MYOCD: variants seen among roughly 807,000 people sequenced by gnomAD.
MYOCD encodes the protein myocardin.
Under a neutral mutation model 96.1 loss-of-function variants are expected in MYOCD, and 32 were observed. That is an observed-to-expected ratio of 0.33 (90% confidence interval 0.25 to 0.45). The LOEUF (loss-of-function observed/expected upper bound fraction) is 0.45, where lower values mean the gene tolerates loss of function less well. Among genes scored for constraint, MYOCD ranks in the 20% least tolerant of loss-of-function variants. MYOCD has a pLI of 1.00. For missense variants in MYOCD, 1,133 were observed against 1,200.6 expected (o/e 0.94, Z 0.83); for synonymous variants, 469 against 469.0 (o/e 1.00, Z 0.00).
At position 12,753,116 on chromosome 17, in the gene MYOCD, G is replaced by A. The variant is rs149000142; in HGVS notation, c.1828G>A (p.Gly610Arg). ...TGAAGCTGCTCAACTCCAGCCTCTTGGAAATGCTCATTGTGTGGAGTCCTC... is the reference window on the plus strand; with the variant it reads ...TGAAGCTGCTCAACTCCAGCCTCTTAGAAATGCTCATTGTGTGGAGTCCTC... ...ACEAAQLQPL[G>R]NAHCVESSDQ... The change falls in exon 10 of 14, where the codon GGA becomes AGA. Residue 610 changes from glycine (G) to arginine (R), a missense_variant. Gly to Arg is a moderately radical substitution (Grantham distance 125). Coordinates refer to ENST00000425538, the MANE Select transcript of MYOCD (RefSeq NM_001146312.3). The A allele has an allele frequency of 6.2e-7, 1 of 1,614,158 alleles. No individual in the cohort carries two copies. Among genetic ancestry groups the A allele is most frequent in the East Asian group, 2.2e-5 (1 of 44,868 alleles).
At chr17:12,690,907 A>T (rs7225754) in intron 1 of MYOCD, among the ~76,000 whole-genome samples, 67,479 of 152,054 alleles carry the variant, frequency 0.44, 16,897 homozygotes, top group African/African-American at 0.68. Flanking sequence ...CAGAATGGGA[A>T]CTAGAATTAC....
chr17:12,695,258 T>C (rs2030691031), intron 1 of MYOCD, among the ~76,000 whole-genome samples: 1 of 152,142 alleles, frequency 6.6e-6, no homozygotes, highest in Admixed American at 6.5e-5. Flanking sequence ...TCCTAGTTCA[T>C]AGAAGTCCGC....
rs371712377 is a variant in MYOCD, at chr17:12,763,084, G to A, written c.2401G>A (p.Asp801Asn). The A allele has an allele frequency of 7.5e-6, 12 of 1,605,464 alleles. No homozygotes were observed. In the South Asian group the frequency reaches 1.2e-4, roughly 16 times the overall value. ...VLIESGEMPA[D>N]AREDHSCLQK... ...TGTATTGCCCACAGAAATGCCAGCA[G>A]ACGCTAGAGAGGATCACTCATGTCT... Residue 801 changes from aspartate (D) to asparagine (N), a missense_variant, in exon 14 of 14, where the codon GAC becomes AAC. Asp to Asn is a conservative substitution (Grantham distance 23). Transcript: ENST00000425538.
chr17:12,683,578 C>G (rs1202608397), intron 1 of MYOCD, among the ~76,000 whole-genome samples: 2 of 152,170 alleles, frequency 1.3e-5, no homozygotes, highest in Admixed American at 6.5e-5. Flanking sequence ...CACACACATA[C>G]ACATACACAT....
intron 1 of MYOCD, among the ~76,000 whole-genome samples, chr17:12,686,449 C>T (rs1296188829): frequency 6.6e-6 from 1 of 152,224 alleles, no homozygotes; most frequent in East Asian, 1.9e-4. Context: ...CACTTGTAGG[C>T]ATTTCACCTG....
intron 7 of MYOCD, among the ~76,000 whole-genome samples, chr17:12,742,579 T>A (rs926614827): frequency 1.2e-4 from 18 of 150,094 alleles, no homozygotes; most frequent in African/African-American, 3.2e-4. Context: ...GAAAATTATT[T>A]TTTTTTTTTG....
chr17:12,739,189 C>T lies in MYOCD; in HGVS notation c.592-14C>T, dbSNP rs755558597. 1.2e-6 allele frequency: 2 copies of T among 1,602,290 alleles called. No individual in the cohort carries two copies. Among genetic ancestry groups the T allele is most frequent in the Non-Finnish European group, 1.7e-6 (2 of 1,175,194 alleles). Reference sequence around the variant, plus strand: ...TCCTGTATCTTCCTAATATCGGTAACATTTGGATTTCAGGATCTTGCTTCT... The same window carrying T: ...TCCTGTATCTTCCTAATATCGGTAATATTTGGATTTCAGGATCTTGCTTCT... On this transcript the variant is annotated splice_polypyrimidine_tract_variant and intron_variant, in intron 6 of 13. Transcript: ENST00000425538.
At position 12,752,533 on chromosome 17, in the gene MYOCD, T is replaced by C. The variant is rs373771169; in HGVS notation, c.1245T>C (p.Phe415=). ...QDCSGNPVPN[F]GDITTVTFPV... ...GCTCTGGCAACCCAGTGCCGAACTTTGGGGATATAACGACTGTCACTTTTC... is the reference window on the plus strand; with the variant it reads ...GCTCTGGCAACCCAGTGCCGAACTTCGGGGATATAACGACTGTCACTTTTC... Residue 415 remains phenylalanine, a synonymous_variant, in exon 10 of 14, where the codon TTT becomes TTC. Transcript: ENST00000425538. 11 of 1,614,132 alleles carry C rather than the reference T, an allele frequency of 6.8e-6. No individual in the cohort carries two copies. The highest frequency in any genetic ancestry group is 7.6e-6 in the Non-Finnish European group (9 of 1,180,020).
chr17:12,726,058 A>G (rs2031989525), intron 5 of MYOCD, among the ~76,000 whole-genome samples: 1 of 152,134 alleles, frequency 6.6e-6, no homozygotes, highest in Admixed American at 6.6e-5. Flanking sequence ...TTTTGCATCT[A>G]TTTCATTATT....
At chr17:12,714,767 T>C (rs1285209919) in intron 2 of MYOCD, among the ~76,000 whole-genome samples, 1 of 152,174 alleles carries the variant, frequency 6.6e-6, no homozygotes, top group Non-Finnish European at 1.5e-5. Flanking sequence ...TGTTCACGGC[T>C]GCTGTGTGTT....
intron 5 of MYOCD, 152 bp from the exon 6 acceptor site, chr17:12,736,009 A>T (rs765669511): frequency 5.1e-5 from 35 of 687,278 alleles, no homozygotes; most frequent in Admixed American, 7.2e-5. Flanking sequence ...AAACCAAATA[A>T]TTTAAAGTAT....
chr17:12,711,924 C>CTTTTTTT (rs11388469), intron 2 of MYOCD, among the ~76,000 whole-genome samples: 4 of 134,832 alleles, frequency 3.0e-5, no homozygotes, highest in African/African-American at 2.8e-5. Context: ...TTTCTTTTTT[C>CTTTTTTT]TTTTTTTTTT....
rs368985080 is a variant in MYOCD at position 12,705,103 on chromosome 17, A to G, written c.56-25A>G. 30 of 1,553,224 alleles carry G rather than the reference A, an allele frequency of 1.9e-5. No individual in the cohort carries two copies. The African/African-American group carries it at 3.7e-4, about 19-fold the overall frequency. ...ATTGTAATGATATTTAGCCCAACTC[A>G]CAAACTAACACTCCCTTTTCTAAGT... On this transcript the variant is annotated intron_variant, in intron 1 of 13. Transcript: ENST00000425538.
chr17:12,763,012 A>G (rs2033224680), intron 13 of MYOCD, 61 bp from the exon 14 acceptor site: 2 of 1,422,018 alleles, frequency 1.4e-6, no homozygotes, highest in Admixed American at 2.0e-5. Context: ...TAACTCACTC[A>G]TATTGTGTGG....
At chr17:12,682,109 A>G (rs539552224) in intron 1 of MYOCD, among the ~76,000 whole-genome samples, 34 of 152,210 alleles carry the variant, frequency 2.2e-4, no homozygotes, top group Non-Finnish European at 4.0e-4. Context: ...CACCTTCTCC[A>G]AGCATTCTGT....
At chr17:12,752,359 A>G (rs2032873481) in intron 9 of MYOCD, 55 bp from the exon 10 acceptor site, 3 of 1,439,384 alleles carry the variant, frequency 2.1e-6, no homozygotes, top group Non-Finnish European at 2.8e-6. Flanking sequence ...TAATGAATAC[A>G]CTTTTAAAAA....
Position 12,763,173 on chromosome 17 carries a change from G to A in MYOCD, c.2490G>A (p.Ser830=), listed in dbSNP as rs745509611. The change falls in exon 14 of 14, where the codon TCG becomes TCA. Residue 830 remains serine (S), a synonymous_variant. Coordinates refer to ENST00000425538, the MANE Select transcript of MYOCD (RefSeq NM_001146312.3). ...RSPTAVLTKP[S]ASFEQASSGS... The stretch of plus-strand genomic sequence containing the variant: ...CAACTGCTGTCCTCACCAAGCCCTC[G>A]GCTTCCTTTGAACAAGCCTCTTCAG... The A allele has an allele frequency of 1.9e-5, 31 of 1,613,892 alleles. No individual in the cohort carries two copies. The highest frequency in any genetic ancestry group is 1.1e-4 in the East Asian group (5 of 44,878).
chr17:12,670,642 T>C (rs1040346705), intron 1 of MYOCD, among the ~76,000 whole-genome samples: 5 of 152,232 alleles, frequency 3.3e-5, no homozygotes, highest in Admixed American at 2.0e-4. Context: ...GTAATATTTA[T>C]GTATGTACAT....
chr17:12,677,896 GT>G (rs541655363), intron 1 of MYOCD, among the ~76,000 whole-genome samples: 12,039 of 129,094 alleles, frequency 0.093, 566 homozygotes, highest in African/African-American at 0.2. Flanking sequence ...TTTCTTTTTT[GT>G]TTTTTTTTTT....
Sources: gnomAD v4.1 joint callset for allele counts (sites outside exome capture counted in the v4.1 genomes callset) on GRCh38, gnomAD v4.1.1 for gene constraint, MANE v1.5 for transcripts, NCBI Gene and HGNC (gene_info 2026-07-23, HGNC 2026-07-21) for gene names.